The following FBXL13 variants were observed in gnomAD, a reference collection of about 807,000 sequenced individuals.
FBXL13 encodes the protein F-box and leucine rich repeat protein 13.
A neutral mutation model predicts 83.6 loss-of-function variants in FBXL13; 67 were observed. That is an observed-to-expected ratio of 0.80 (90% confidence interval 0.66 to 0.98). The LOEUF is 0.98. Ranked by LOEUF, FBXL13 falls within the 50% of genes least tolerant of loss-of-function variation. FBXL13 has a pLI of 0.00. For synonymous variants in FBXL13, 272 were observed against 299.5 expected (o/e 0.91, Z 0.95); for missense variants, 822 against 866.5 (o/e 0.95, Z 0.64).
At chr7:102,950,829 T>C (rs1823282437) in intron 8 of FBXL13, among the ~76,000 whole-genome samples, 1 of 151,966 alleles carries the variant, frequency 6.6e-6, no homozygotes, top group Non-Finnish European at 1.5e-5. Flanking sequence ...ATAAAAAGAT[T>C]GGTGGTTGTC....
chr7:102,876,845 G>T (rs1276327540), intron 16 of FBXL13, among the ~76,000 whole-genome samples: 2 of 152,146 alleles, frequency 1.3e-5, no homozygotes, highest in African/African-American at 4.8e-5. Context: ...CCAAATGCAT[G>T]ATTTTCAAGA....
At chr7:102,923,666 CA>C (rs1233221614) in intron 10 of FBXL13, among the ~76,000 whole-genome samples, 1 of 151,412 alleles carries the variant, frequency 6.6e-6, no homozygotes, top group East Asian at 2.0e-4. Context: ...ACTAAAAATA[CA>C]AAAAAACTTA....
intron 6 of FBXL13, among the ~76,000 whole-genome samples, chr7:103,019,959 C>T (rs907663543): frequency 6.6e-6 from 1 of 152,122 alleles, no homozygotes; most frequent in African/African-American, 2.4e-5. Context: ...AGGGAACAAC[C>T]CCTAACTCAT....
chr7:102,862,871 A>C (rs1807067791), intron 16 of FBXL13, among the ~76,000 whole-genome samples: 1 of 152,116 alleles, frequency 6.6e-6, no homozygotes, highest in South Asian at 2.1e-4. Flanking sequence ...CATCTTCCAA[A>C]TCTATTCAAT....
At chr7:103,049,009 C>T (rs1228269722) in intron 2 of FBXL13, among the ~76,000 whole-genome samples, 2 of 152,132 alleles carry the variant, frequency 1.3e-5, no homozygotes, top group African/African-American at 4.8e-5. Context: ...CATAAATTTT[C>T]TTTTATGAAT....
intron 8 of FBXL13, among the ~76,000 whole-genome samples, chr7:102,959,374 T>C (rs1824812774): frequency 6.6e-6 from 1 of 152,152 alleles, no homozygotes; most frequent in African/African-American, 2.4e-5. Flanking sequence ...GAGTTTTTCT[T>C]TCTCATGCAT....
exon 1 of FBXL13, chr7:103,074,399 C>T: frequency 1.8e-6 from 2 of 1,081,688 alleles, no homozygotes; most frequent in African/African-American, 3.3e-5. Context: ...CTTGTCCAAA[C>T]CTTAAAATCT....
At chr7:102,817,056 C>A (rs1040484311) in intron 19 of FBXL13, among the ~76,000 whole-genome samples, 2 of 152,198 alleles carry the variant, frequency 1.3e-5, no homozygotes, top group African/African-American at 4.8e-5. Context: ...GTGAATGATG[C>A]TGCAATAAAC....
intron 8 of FBXL13, among the ~76,000 whole-genome samples, chr7:102,940,358 C>T (rs181179357): frequency 7.2e-5 from 11 of 151,770 alleles, no homozygotes; most frequent in African/African-American, 2.7e-4. Flanking sequence ...TACAGGCACC[C>T]GCCACCACGC....
intron 10 of FBXL13, among the ~76,000 whole-genome samples, chr7:102,914,852 T>C (rs1424158365): frequency 1.3e-5 from 2 of 152,148 alleles, no homozygotes; most frequent in Admixed American, 6.5e-5. Context: ...TGGAAATGCG[T>C]TATCTTCCTC....
chr7:102,869,790 T>C (rs536453429), intron 16 of FBXL13, among the ~76,000 whole-genome samples: 89 of 152,308 alleles, frequency 5.8e-4, no homozygotes, highest in African/African-American at 2.1e-3. Context: ...TCGCTATAAA[T>C]GTGTGGGCTT....
chr7:103,070,410 G>A (rs979960661), intron 1 of FBXL13, among the ~76,000 whole-genome samples: 4 of 151,988 alleles, frequency 2.6e-5, no homozygotes, highest in East Asian at 1.9e-4. Flanking sequence ...TGTATTTTTA[G>A]TAGAGACAGG....
intron 6 of FBXL13, among the ~76,000 whole-genome samples, chr7:103,024,150 AG>A: frequency 1.4e-5 from 1 of 70,782 alleles, no homozygotes; most frequent in Non-Finnish European, 2.7e-5. Context: ...AGAGAGAGAG[AG>A]AGAGAGAGAG....
chr7:102,841,586 G>A (rs888320813), intron 17 of FBXL13, among the ~76,000 whole-genome samples: 5 of 152,140 alleles, frequency 3.3e-5, no homozygotes, highest in African/African-American at 1.2e-4. Flanking sequence ...TACAGACAAT[G>A]GGAAACTGAC....
At chr7:102,851,450 T>C (rs1245725080) in intron 17 of FBXL13, among the ~76,000 whole-genome samples, 1 of 148,312 alleles carries the variant, frequency 6.7e-6, no homozygotes, top group African/African-American at 2.5e-5. Context: ...CCTCCTTCCT[T>C]CCTTCCCTCC....
intron 1 of FBXL13, among the ~76,000 whole-genome samples, chr7:103,062,453 A>G (rs538919928): frequency 6.6e-6 from 1 of 152,258 alleles, no homozygotes; most frequent in African/African-American, 2.4e-5. Flanking sequence ...TATATCCAAA[A>G]ATAGAGGGCA....
In FBXL13 at chr7:102,963,520, T is replaced by C. The variant is rs201116664; in HGVS notation, c.724+13A>G. The C allele has an allele frequency of 9.3e-6, 15 of 1,607,038 alleles. No homozygotes were observed. The highest frequency in any genetic ancestry group is 2.7e-5 in the African/African-American group (2 of 74,498). On this transcript the variant is annotated intron_variant, in intron 8 of 19. Coordinates refer to ENST00000313221, the Ensembl canonical transcript of FBXL13. ...AGGAAAGCAAGACAAATAGTTGTAA[T>C]GAACATACTTACTGACAGATCTGAA... is the stretch of plus-strand genomic sequence containing the variant.
intron 10 of FBXL13, among the ~76,000 whole-genome samples, chr7:102,916,481 C>A (rs1329054183): frequency 1.3e-5 from 2 of 152,138 alleles, no homozygotes; most frequent in African/African-American, 4.8e-5. Flanking sequence ...ATGGAACCAT[C>A]AGTTTGAAGG....
At chr7:102,813,276 C>A in exon 20 of FBXL13, 2 of 1,442,806 alleles carry the variant, frequency 1.4e-6, no homozygotes, top group Non-Finnish European at 1.9e-6. Context: ...AGTAAACATA[C>A]TTGCAACAAA....
Sources: allele counts gnomAD v4.1 joint callset (sites outside exome capture counted in the v4.1 genomes callset), GRCh38; gene constraint gnomAD v4.1.1; transcripts MANE v1.5; gene names NCBI Gene and HGNC (gene_info 2026-07-23, HGNC 2026-07-21).